MARCHF1: variants seen among roughly 807,000 people sequenced by gnomAD.
MARCHF1 encodes membrane associated ring-CH-type finger 1.
In MARCHF1, 40 loss-of-function variants were observed where a neutral mutation model predicts 54.2. That is an observed-to-expected ratio of 0.74 (90% CI 0.57 to 0.96). MARCHF1 has a LOEUF of 0.96. Among genes scored for constraint, MARCHF1 ranks in the 40% least tolerant of loss-of-function variants. The pLI is 0.00. For missense variants in MARCHF1, 586 were observed against 656.5 expected (o/e 0.89, Z 1.17); for synonymous variants, 236 against 236.3 (o/e 1.00, Z 0.01).
intron 1 of MARCHF1, among the ~76,000 whole-genome samples, chr4:164,259,699 T>C (rs1402969487): frequency 6.6e-6 from 1 of 152,050 alleles, no homozygotes; most frequent in Non-Finnish European, 1.5e-5. Flanking sequence ...ATATGACCCT[T>C]GAGGTAGGTA....
intron 2 of MARCHF1, among the ~76,000 whole-genome samples, chr4:164,091,434 A>ATATATATATATATATATATAT (rs56887424): frequency 3.4e-5 from 5 of 147,066 alleles, no homozygotes; most frequent in Non-Finnish European, 4.5e-5. Context: ...ATATATGTAT[A>ATATATATATATATATATATAT]AAATGAATTG....
intron 3 of MARCHF1, among the ~76,000 whole-genome samples, chr4:163,868,583 G>A (rs1477184760): frequency 6.6e-6 from 1 of 151,826 alleles, no homozygotes; most frequent in Non-Finnish European, 1.5e-5. Flanking sequence ...ATGTATTTGT[G>A]TACATATATC....
chr4:163,646,183 CA>C (rs1206728066), intron 5 of MARCHF1, among the ~76,000 whole-genome samples: 1 of 152,000 alleles, frequency 6.6e-6, no homozygotes. Flanking sequence ...GAGGACTTCT[CA>C]ACAGAAACTT....
intron 1 of MARCHF1, among the ~76,000 whole-genome samples, chr4:164,288,940 C>A (rs1375701503): frequency 6.6e-6 from 1 of 152,008 alleles, no homozygotes; most frequent in Non-Finnish European, 1.5e-5. Context: ...CTCTTTTATT[C>A]CTTGTCTATC....
intron 1 of MARCHF1, among the ~76,000 whole-genome samples, chr4:164,132,146 G>A (rs1756314195): frequency 6.6e-6 from 1 of 152,088 alleles, no homozygotes. Context: ...TTGTAGTAAT[G>A]ATAAAATAAT....
At chr4:164,130,718 A>G (rs1049659873) in intron 1 of MARCHF1, among the ~76,000 whole-genome samples, 1 of 152,142 alleles carries the variant, frequency 6.6e-6, no homozygotes, top group Non-Finnish European at 1.5e-5. Context: ...CTAAATACTA[A>G]GGCTGTGAGT....
intron 2 of MARCHF1, among the ~76,000 whole-genome samples, chr4:163,994,951 A>T (rs1381280362): frequency 6.6e-6 from 1 of 152,114 alleles, no homozygotes; most frequent in Non-Finnish European, 1.5e-5. Flanking sequence ...TACACAGAAG[A>T]CTTCTGTGAC....
intron 7 of MARCHF1, among the ~76,000 whole-genome samples, chr4:163,594,786 A>ACACACACACCCC (rs1173614623): frequency 6.6e-6 from 1 of 151,448 alleles, no homozygotes; most frequent in African/African-American, 2.4e-5. Flanking sequence ...ACACACACAC[A>ACACACACACCCC]CCCAAACCCA....
At chr4:164,202,124 C>A (rs1731472157) in intron 1 of MARCHF1, among the ~76,000 whole-genome samples, 1 of 152,128 alleles carries the variant, frequency 6.6e-6, no homozygotes, top group Admixed American at 6.5e-5. Flanking sequence ...ATGAGAGTTA[C>A]ATAAGAAAAA....
At chr4:164,302,350 A>G (rs1429955373) in intron 1 of MARCHF1, among the ~76,000 whole-genome samples, 18 of 152,216 alleles carry the variant, frequency 1.2e-4, no homozygotes, top group Admixed American at 9.8e-4. Flanking sequence ...AGTAAAATTT[A>G]TAAGTGGTAT....
chr4:164,283,652 C>A (rs1734078850), intron 1 of MARCHF1, among the ~76,000 whole-genome samples: 1 of 150,858 alleles, frequency 6.6e-6, no homozygotes, highest in African/African-American at 2.4e-5. Flanking sequence ...ATTAAAGGCA[C>A]TGTGGTTGCC....
At chr4:164,263,345 T>C (rs540430223) in intron 1 of MARCHF1, among the ~76,000 whole-genome samples, 89 of 152,196 alleles carry the variant, frequency 5.8e-4, no homozygotes, top group Non-Finnish European at 1.0e-3. Flanking sequence ...TATACATATA[T>C]ACACACATAT....
intron 1 of MARCHF1, among the ~76,000 whole-genome samples, chr4:164,243,733 C>T (rs972386260): frequency 2.6e-5 from 4 of 152,176 alleles, no homozygotes; most frequent in African/African-American, 9.7e-5. Context: ...CAGAGACATA[C>T]ATAGCCTCAA....
At chr4:163,546,605 C>T (rs954284879) in intron 8 of MARCHF1, among the ~76,000 whole-genome samples, 8 of 152,174 alleles carry the variant, frequency 5.3e-5, no homozygotes, top group Non-Finnish European at 1.0e-4. Flanking sequence ...TTTCTGTTCA[C>T]AACTATTATA....
chr4:164,368,779 C>T (rs1313951160), intron 1 of MARCHF1, among the ~76,000 whole-genome samples: 1 of 152,076 alleles, frequency 6.6e-6, no homozygotes, highest in African/African-American at 2.4e-5. Context: ...ATGACTTCCA[C>T]AGTAAGGAGA....
chr4:164,109,666 C>A lies in MARCHF1; in HGVS notation c.-248+1922G>T, dbSNP rs552120455. On this transcript the variant is annotated intron_variant, in intron 2 of 9. Coordinates refer to ENST00000514618, the MANE Select transcript of MARCHF1 (RefSeq NM_001394959.1). ...ACAAACATTCAGAGTAATCAAGAAG[C>A]GCGTGACCAAAGCAAGATAACATTT... Among the ~76,000 whole-genome samples, 17 of 151,556 alleles carry A rather than the reference C, an allele frequency of 1.1e-4. No individual in the cohort carries two copies. The Middle Eastern group carries it at 0.01, about 91-fold the overall frequency.
intron 7 of MARCHF1, among the ~76,000 whole-genome samples, chr4:163,591,538 G>A (rs773257422): frequency 5.9e-5 from 9 of 152,078 alleles, no homozygotes; most frequent in Non-Finnish European, 1.0e-4. Context: ...GGATCTTTTT[G>A]TGGATTTGTA....
chr4:163,531,014 A>C (rs1325839694), intron 9 of MARCHF1, among the ~76,000 whole-genome samples: 2 of 151,968 alleles, frequency 1.3e-5, no homozygotes. Flanking sequence ...CAGAGCAGAA[A>C]GCACCAAGCT....
chr4:163,797,895 T>C (rs1747964358), intron 4 of MARCHF1, among the ~76,000 whole-genome samples: 1 of 152,168 alleles, frequency 6.6e-6, no homozygotes, highest in African/African-American at 2.4e-5. Context: ...CACACTCATG[T>C]TAGAGCTTGT....
Sources: gnomAD v4.1 joint callset for allele counts (sites outside exome capture counted in the v4.1 genomes callset) on GRCh38, gnomAD v4.1.1 for gene constraint, MANE v1.5 for transcripts, NCBI Gene and HGNC (gene_info 2026-07-23, HGNC 2026-07-21) for gene names.